The following ABL1 variants were observed in gnomAD, a reference collection of about 807,000 sequenced individuals.
The protein encoded by ABL1 is ABL proto-oncogene 1, non-receptor tyrosine kinase, also known as tyrosine-protein kinase ABL1.
In ABL1, 11 loss-of-function variants were observed where a neutral mutation model predicts 94.7. The ratio of observed to expected loss-of-function variants is 0.12; its 90% CI spans 0.07 to 0.19. The LOEUF (loss-of-function observed/expected upper bound fraction) is 0.19. Ranked by LOEUF, ABL1 falls within the 10% of genes least tolerant of loss-of-function variation. ABL1 has a pLI of 1.00. For synonymous variants in ABL1, 656 were observed against 622.4 expected (o/e 1.05, Z -0.80); for missense variants, 1,082 against 1,489.4 (o/e 0.73, Z 4.50).
chr9:130,859,672 CTTTCCTTTTTTT>C (rs1286973826), intron 3 of ABL1, among the ~76,000 whole-genome samples: 9 of 86,560 alleles, frequency 1.0e-4, no homozygotes, highest in Non-Finnish European at 1.4e-4. Context: ...TCTTTTCTTT[CTTTCCTTTTTTT>C]TTTTTTTTTT....
At chr9:130,769,329 CTTTTTTTTT>C (rs372838676) in intron 1 of ABL1, among the ~76,000 whole-genome samples, 1 of 84,292 alleles carries the variant, frequency 1.2e-5, no homozygotes, top group East Asian at 3.4e-4. Flanking sequence ...TGGCCCTAGT[CTTTTTTTTT>C]TTTTTTTTTT....
intron 1 of ABL1, among the ~76,000 whole-genome samples, chr9:130,723,669 A>G (rs2132678832): frequency 6.6e-6 from 1 of 152,246 alleles, no homozygotes; most frequent in Non-Finnish European, 1.5e-5. Flanking sequence ...AATTTTCTGT[A>G]ACTTCTGCCC....
At chr9:130,725,287 C>T (rs367833633) in intron 1 of ABL1, among the ~76,000 whole-genome samples, 5 of 152,182 alleles carry the variant, frequency 3.3e-5, no homozygotes, top group Admixed American at 6.5e-5. Flanking sequence ...CTTTTTCTCT[C>T]TATGAATTTG....
Position 130,880,091 on chromosome 9 carries a change from C to T in ABL1, c.1447C>T (p.Arg483Trp), listed in dbSNP as rs1355584861. Residue 483 changes from arginine (R) to tryptophan (W), a missense_variant, in exon 9 of 11, where the codon CGG becomes TGG. Transcript: ENST00000318560. This position sits in a 1 kb window ranked among gnomAD's most constrained non-coding sequence, Gnocchi z 4.4. ...RACWQWNPSD[R>W]PSFAEIHQAF... ...AGGTTGGCAGTGGAATCCCTCTGAC[C>T]GGCCCTCCTTTGCTGAAATCCACCA... is the stretch of plus-strand genomic sequence containing the variant. The T allele has an allele frequency of 6.2e-7, 1 of 1,614,052 alleles. No homozygotes were observed. Among genetic ancestry groups the T allele is most frequent in the Non-Finnish European group, 8.5e-7 (1 of 1,180,034 alleles).
At chr9:130,865,162 A>T (rs1831134259) in intron 4 of ABL1, among the ~76,000 whole-genome samples, 1 of 152,166 alleles carries the variant, frequency 6.6e-6, no homozygotes. Context: ...TTTTAATTAT[A>T]CTTCTAATAA....
exon 1 of ABL1, among the ~76,000 whole-genome samples, chr9:130,713,700 CA>C (rs1443336431): frequency 6.6e-6 from 1 of 152,224 alleles, no homozygotes; most frequent in Non-Finnish European, 1.5e-5. Context: ...ATTGGTTCCA[CA>C]GGCCTTTTAA....
exon 1 of ABL1, among the ~76,000 whole-genome samples, chr9:130,713,790 C>A (rs1160524454): frequency 6.6e-6 from 1 of 152,152 alleles, no homozygotes; most frequent in Non-Finnish European, 1.5e-5. Context: ...CTGGGTGACC[C>A]GTGTCCTTTT....
chr9:130,793,585 G>T (rs974772929), intron 1 of ABL1, among the ~76,000 whole-genome samples: 7 of 152,116 alleles, frequency 4.6e-5, no homozygotes, highest in African/African-American at 1.4e-4. Context: ...CGTACATTTT[G>T]ACTGCAATTT....
At chr9:130,848,575 A>T (rs1830810750) in intron 1 of ABL1, among the ~76,000 whole-genome samples, 1 of 151,884 alleles carries the variant, frequency 6.6e-6, no homozygotes. Flanking sequence ...TATGTTTGTC[A>T]TTGTTTTCTA....
At chr9:130,733,713 G>A (rs1224120752) in intron 1 of ABL1, among the ~76,000 whole-genome samples, 1 of 151,470 alleles carries the variant, frequency 6.6e-6, no homozygotes, top group Non-Finnish European at 1.5e-5. Flanking sequence ...CGAGTAGCTG[G>A]GACTACAGGC....
intron 1 of ABL1, among the ~76,000 whole-genome samples, chr9:130,782,460 CTGGT>C (rs1829768092): frequency 2.6e-5 from 4 of 152,182 alleles, no homozygotes; most frequent in Admixed American, 2.6e-4. Context: ...TTTGAAGAGA[CTGGT>C]AGGGGTAAAT....
In ABL1 at chr9:130,872,288, C is replaced by T. The variant is rs888256115; in HGVS notation, c.907+75C>T. 178 of 1,386,204 alleles carry T rather than the reference C, an allele frequency of 1.3e-4. No individual in the cohort carries two copies. The highest frequency in any genetic ancestry group is 1.7e-4 in the Non-Finnish European group (174 of 995,186). The allele number at this position is 1,386,204 out of a possible 1,614,324, so 85.9% of individuals were successfully genotyped here. Reference sequence around the variant, plus strand: ...GGTGACACAGGCGCTGGGGAAGACGCACGGGCGGCTCACTGCACAAAACCT... The same window carrying T: ...GGTGACACAGGCGCTGGGGAAGACGTACGGGCGGCTCACTGCACAAAACCT... On this transcript the variant is annotated intron_variant, in intron 5 of 10. Coordinates refer to ENST00000318560, the MANE Select transcript of ABL1 (RefSeq NM_005157.6). The surrounding 1 kb of genome is among the most constrained non-coding windows in gnomAD (Gnocchi z 5.0).
chr9:130,868,414 G>A (rs921400136), intron 4 of ABL1, among the ~76,000 whole-genome samples: 5 of 152,044 alleles, frequency 3.3e-5, no homozygotes, highest in African/African-American at 1.2e-4. Flanking sequence ...TGATCTATCT[G>A]TAGATAATGG....
In ABL1 at chr9:130,880,459, T is replaced by C. The variant is rs1197250527; in HGVS notation, c.1514-41T>C. ...CACACCAAGCCAACACCAGTACTGA[T>C]GGCTGCTGGATTTTTGTTTCTGTCC... On this transcript the variant is annotated intron_variant, in intron 9 of 10. Transcript: ENST00000318560. The surrounding 1 kb of genome is among the most constrained non-coding windows in gnomAD (Gnocchi z 4.4). 2 of 1,611,426 alleles carry C rather than the reference T, an allele frequency of 1.2e-6. No individual in the cohort carries two copies. The highest frequency in any genetic ancestry group is 1.7e-5 in the Admixed American group (1 of 59,730).
intron 1 of ABL1, among the ~76,000 whole-genome samples, chr9:130,756,533 C>T (rs1365557928): frequency 6.6e-6 from 1 of 152,108 alleles, no homozygotes; most frequent in African/African-American, 2.4e-5. Flanking sequence ...AGCCACTGAG[C>T]TCTGTTTTAC....
Position 130,736,112 on chromosome 9 carries a change from T to C in ABL1, c.136+21657T>C, listed in dbSNP as rs529442041. On this transcript the variant is annotated intron_variant, in intron 1 of 10. Transcript: ENST00000372348. ...CTGGAACTATAAATGTATACCACTATGCCTGGCTGTTTTTTGTATTTTTTG... is the reference window on the plus strand; with the variant it reads ...CTGGAACTATAAATGTATACCACTACGCCTGGCTGTTTTTTGTATTTTTTG... Among the ~76,000 whole-genome samples the C allele has an allele frequency of 4.6e-5, 7 of 151,712 alleles. No individual in the cohort carries two copies. The South Asian group carries it at 1.3e-3, about 27-fold the overall frequency.
intron 3 of ABL1, among the ~76,000 whole-genome samples, chr9:130,859,632 G>C (rs1023047156): frequency 4.8e-5 from 7 of 146,130 alleles, no homozygotes; most frequent in Admixed American, 3.5e-4. Context: ...CGTTAGGCCT[G>C]TCAGTGTGGC....
chr9:130,745,044 A>G (rs1443047175), intron 1 of ABL1, among the ~76,000 whole-genome samples: 1 of 150,602 alleles, frequency 6.6e-6, no homozygotes, highest in Non-Finnish European at 1.5e-5. Flanking sequence ...GAATAAAGGT[A>G]GAGTGGTGAG....
intron 1 of ABL1, among the ~76,000 whole-genome samples, chr9:130,716,854 G>T (rs916632091): frequency 6.6e-6 from 1 of 151,754 alleles, no homozygotes; most frequent in Non-Finnish European, 1.5e-5. Flanking sequence ...GGGTTCAAGC[G>T]ATTCTCCTGC....
Sources: allele counts gnomAD v4.1 joint callset (sites outside exome capture counted in the v4.1 genomes callset), GRCh38; gene constraint gnomAD v4.1.1; non-coding constraint Gnocchi (gnomAD v3.1); transcripts MANE v1.5; gene names NCBI Gene and HGNC (gene_info 2026-07-23, HGNC 2026-07-21).